FOXJ2: variants seen among roughly 807,000 people sequenced by gnomAD.
FOXJ2 encodes forkhead box protein J2.
A neutral mutation model predicts 68.4 loss-of-function variants in FOXJ2; 18 were observed. The observed-to-expected ratio is 0.26, with a 90% CI of 0.18 to 0.39. The LOEUF (loss-of-function observed/expected upper bound fraction) is 0.39, where lower values mean the gene tolerates loss of function less well. FOXJ2 is among the 10% of genes least tolerant of loss of function. FOXJ2 has a pLI of 1.00. For synonymous variants in FOXJ2, 274 were observed against 263.2 expected (o/e 1.04, Z -0.40); for missense variants, 670 against 726.5 (o/e 0.92, Z 0.89).
intron 5 of FOXJ2, among the ~76,000 whole-genome samples, chr12:8,044,312 T>A (rs1461425559): frequency 6.6e-6 from 1 of 152,216 alleles, no homozygotes; most frequent in Non-Finnish European, 1.5e-5. Context: ...CAGTGGCTCA[T>A]GCCTGTAATG....
Position 8,040,026 on chromosome 12 carries a change from G to T in FOXJ2, c.194G>T (p.Gly65Val), listed in dbSNP as rs748720437. Reference protein sequence around the residue: ...SKDEAAVHQDGKPRYSYATLI... With the variant: ...SKDEAAVHQDVKPRYSYATLI... Reference sequence around the variant, plus strand: ...GACGAGGCAGCAGTGCACCAGGACGGCAAGCCACGATACAGCTATGCCACT... The same window carrying T: ...GACGAGGCAGCAGTGCACCAGGACGTCAAGCCACGATACAGCTATGCCACT... The change falls in exon 2 of 11, where the codon GGC (glycine) becomes GTC (valine). Residue 65 changes from glycine (G) to valine (V), a missense_variant. Around this residue, in one of 2 missense-constraint regions of FOXJ2, gnomAD observed 115 missense variants for 164.3 expected, o/e 0.70. Transcript: ENST00000162391. This position sits in a 1 kb window ranked among gnomAD's most constrained non-coding sequence, Gnocchi z 4.0. The T allele has an allele frequency of 1.9e-6, 3 of 1,613,980 alleles. No individual in the cohort carries two copies. In the African/African-American group the frequency reaches 4.0e-5, roughly 22 times the overall value.
In FOXJ2 at chr12:8,047,905, A is replaced by G; in HGVS notation, c.841A>G (p.Ile281Val). ...QHGFSSLLGD[I>V]PPSNNYYMYQ... ...AGGCTTTTCTTCTCTCCTGGGGGAC[A>G]TCCCACCCTCGAACAACTACTACAT... The change falls in exon 7 of 11, where the codon ATC (isoleucine) becomes GTC (valine). Residue 281 changes from isoleucine (I) to valine (V), a missense_variant. Transcript: ENST00000162391. 1 of 1,599,164 alleles carries G rather than the reference A, an allele frequency of 6.3e-7. No homozygotes were observed.
chr12:8,034,626 G>A (rs757541531), intron 1 of FOXJ2, among the ~76,000 whole-genome samples: 101 of 152,324 alleles, frequency 6.6e-4, no homozygotes, highest in African/African-American at 2.3e-3. Context: ...TCCTGGATAC[G>A]AAGGGAGGAG....
In FOXJ2 at chr12:8,053,295, A is replaced by G. The variant is rs1475907851; in HGVS notation, c.*445A>G. 6.6e-6 allele frequency: 1 copy of G among 152,600 alleles called. No individual in the cohort carries two copies. The highest frequency in any genetic ancestry group is 1.5e-5 in the Non-Finnish European group (1 of 68,050). 9.5% of individuals were successfully genotyped at this position (152,600 alleles called of 1,614,324 possible). ...TGGCCCTAAATTGTTTTTTGTTCCC[A>G]TCAGTTTCAGGCCAGGACTGGAGAG... On this transcript the variant is annotated 3_prime_UTR_variant, in exon 11 of 11. Transcript: ENST00000162391. This position sits in a 1 kb window ranked among gnomAD's most constrained non-coding sequence, Gnocchi z 4.1.
chr12:8,042,745 T>A lies in FOXJ2; in HGVS notation c.408+13T>A. The A allele has an allele frequency of 6.2e-7, 1 of 1,607,268 alleles. No individual in the cohort carries two copies. Among genetic ancestry groups the A allele is most frequent in the Non-Finnish European group, 8.5e-7 (1 of 1,173,848 alleles). On this transcript the variant is annotated intron_variant, in intron 3 of 10. Coordinates refer to ENST00000162391, the MANE Select transcript of FOXJ2 (RefSeq NM_018416.3). ...TGACCCTGGGAAGGTAAGATACTACTGTAAGCATTGAAAGGAGGAGTAGGA... is the reference window on the plus strand; with the variant it reads ...TGACCCTGGGAAGGTAAGATACTACAGTAAGCATTGAAAGGAGGAGTAGGA...
chr12:8,048,598 A>G, intron 7 of FOXJ2, 99 bp from the exon 8 acceptor site: 1 of 1,271,958 alleles, frequency 7.9e-7, no homozygotes, highest in South Asian at 1.2e-5. Context: ...GCTAATCTGT[A>G]TAGATGCAAG....
intron 10 of FOXJ2, 143 bp from the exon 11 acceptor site, chr12:8,052,619 C>G: frequency 1.6e-6 from 1 of 622,306 alleles, no homozygotes. Context: ...TGACCTGCAA[C>G]CAAAATTAAC....
intron 2 of FOXJ2, among the ~76,000 whole-genome samples, chr12:8,042,005 G>A (rs948080491): frequency 2.0e-5 from 3 of 151,988 alleles, no homozygotes; most frequent in Non-Finnish European, 2.9e-5. Flanking sequence ...AGCCTCCTGA[G>A]TAGCTAGGAT....
At chr12:8,051,774 C>T (rs904774897) in intron 10 of FOXJ2, among the ~76,000 whole-genome samples, 4 of 152,128 alleles carry the variant, frequency 2.6e-5, no homozygotes, top group Admixed American at 1.3e-4. Context: ...CACGTGTTTT[C>T]AATTTTGGGG....
intron 6 of FOXJ2, 151 bp from the exon 7 acceptor site, chr12:8,047,731 A>G: frequency 9.8e-7 from 1 of 1,018,002 alleles, no homozygotes; most frequent in East Asian, 2.4e-5. Context: ...ACCTGCCAGG[A>G]GGGCCACAGG....
rs1378040645 is a variant in FOXJ2 at position 8,040,846 on chromosome 12, G to C, written c.333+681G>C. Among the ~76,000 whole-genome samples, 1 of 152,168 alleles carries C rather than the reference G, an allele frequency of 6.6e-6. No individual in the cohort carries two copies. Among genetic ancestry groups the C allele is most frequent in the Non-Finnish European group, 1.5e-5 (1 of 68,014 alleles). On this transcript the variant is annotated intron_variant, in intron 2 of 10. Transcript: ENST00000162391. This position sits in a 1 kb window ranked among gnomAD's most constrained non-coding sequence, Gnocchi z 4.0. ...ATCACTCCTTCCTACCTAGAGGTAG[G>C]AGTCTAATCTAGAGCATCAGATTTC...
At position 8,033,011 on chromosome 12, in the gene FOXJ2, CG is replaced by C; in HGVS notation, c.-833del. 2.5e-6 allele frequency: 1 copy of C among 396,176 alleles called. No individual in the cohort carries two copies. The highest frequency in any genetic ancestry group is 4.4e-6 in the Non-Finnish European group (1 of 224,934). 24.5% of individuals were successfully genotyped at this position (396,176 alleles called of 1,614,324 possible). A position where few individuals can be genotyped will look rare whatever the true frequency, so the allele number is the denominator to read the frequency against. ...GGCACCCCGGGAGCGGAGGCGGGAG[CG>C]GGGACGCGAGCAACCTCTCCCCCTG... is the stretch of plus-strand genomic sequence containing the variant. On this transcript the variant is annotated 5_prime_UTR_variant, in exon 1 of 11. Coordinates refer to ENST00000162391, the MANE Select transcript of FOXJ2 (RefSeq NM_018416.3).
rs1032575865 is a variant in FOXJ2, at chr12:8,032,743, C to T, written c.-1105C>T. Reference sequence around the variant, plus strand: ...AGCGGAGCCGAGCCGAGCCCGAGCCCGCGCCGAGCCCTGACACTGTCTGCC... The same window carrying T: ...AGCGGAGCCGAGCCGAGCCCGAGCCTGCGCCGAGCCCTGACACTGTCTGCC... On this transcript the variant is annotated 5_prime_UTR_variant, in exon 1 of 11. Coordinates refer to ENST00000162391, the MANE Select transcript of FOXJ2 (RefSeq NM_018416.3). The surrounding 1 kb of genome is among the most constrained non-coding windows in gnomAD (Gnocchi z 4.8). 7.8e-5 allele frequency: 31 copies of T among 396,382 alleles called. No homozygotes were observed. The highest frequency in any genetic ancestry group is 5.8e-4 in the African/African-American group (28 of 48,572). 24.6% of individuals were successfully genotyped at this position (396,382 alleles called of 1,614,324 possible).
chr12:8,046,130 C>G (rs2066905501), intron 6 of FOXJ2, among the ~76,000 whole-genome samples: 1 of 152,138 alleles, frequency 6.6e-6, no homozygotes, highest in African/African-American at 2.4e-5. Context: ...TTGCCCCTTC[C>G]AGGACTAAGG....
At chr12:8,042,547 T>C in intron 2 of FOXJ2, 111 bp from the exon 3 acceptor site, 1 of 842,194 alleles carries the variant, frequency 1.2e-6, no homozygotes, top group Non-Finnish European at 2.0e-6. Flanking sequence ...CTTACCCTGA[T>C]ACTTCAACTG....
At chr12:8,050,488 C>G (rs117083578) in intron 9 of FOXJ2, 34 bp from the exon 10 acceptor site, 30 of 1,601,950 alleles carry the variant, frequency 1.9e-5, no homozygotes, top group Middle Eastern at 1.7e-4. Context: ...ACCCGCCCCC[C>G]CCAACTCAAG....
In FOXJ2 at chr12:8,040,629, G is replaced by C. The variant is rs754941147; in HGVS notation, c.333+464G>C. Reference sequence around the variant, plus strand: ...GTAGAGATAGGGTTTCGCTATGTTGGCCAGGCTGGTCTCGAACTCCAGATC... The same window carrying C: ...GTAGAGATAGGGTTTCGCTATGTTGCCCAGGCTGGTCTCGAACTCCAGATC... On this transcript the variant is annotated intron_variant, in intron 2 of 10. Transcript: ENST00000162391. This position sits in a 1 kb window ranked among gnomAD's most constrained non-coding sequence, Gnocchi z 4.0. Among the ~76,000 whole-genome samples the C allele has an allele frequency of 6.6e-6, 1 of 151,962 alleles. No individual in the cohort carries two copies. The highest frequency in any genetic ancestry group is 2.1e-4 in the South Asian group (1 of 4,814).
chr12:8,043,762 A>T lies in FOXJ2; in HGVS notation c.470A>T (p.Asp157Val). The change falls in exon 4 of 11, where the codon GAT (aspartate) becomes GTT (valine). Residue 157 changes from aspartate to valine, a missense_variant. By Grantham distance (152) the Asp-to-Val change is radical (BLOSUM62 -3). Around this residue, in one of 2 missense-constraint regions of FOXJ2, gnomAD observed 555 missense variants for 562.2 expected, o/e 0.99. Transcript: ENST00000162391. Reference protein sequence around the residue: ...DISRKRRHPPDDDLSQDSPEQ... With the variant: ...DISRKRRHPPVDDLSQDSPEQ... The stretch of plus-strand genomic sequence containing the variant: ...TCCCGAAAGAGAAGACACCCTCCAG[A>T]TGATGATGTAAGTTCCCAGCTCATG... 6.2e-7 allele frequency: 1 copy of T among 1,614,194 alleles called. No individual in the cohort carries two copies. The highest frequency in any genetic ancestry group is 8.5e-7 in the Non-Finnish European group (1 of 1,180,026).
At chr12:8,048,457 A>G (rs1947070632) in intron 7 of FOXJ2, among the ~76,000 whole-genome samples, 168 bp downstream of exon 7, 1 of 152,280 alleles carries the variant, frequency 6.6e-6, no homozygotes, top group Admixed American at 6.5e-5. Flanking sequence ...TCTGTCTTAT[A>G]GAATTCCTGG....
Sources: allele counts gnomAD v4.1 joint callset (sites outside exome capture counted in the v4.1 genomes callset), GRCh38; gene constraint gnomAD v4.1.1; regional missense constraint gnomAD v4.1.1; non-coding constraint Gnocchi (gnomAD v3.1); transcripts MANE v1.5; gene names NCBI Gene and HGNC (gene_info 2026-07-23, HGNC 2026-07-21).